Variants in ANK2 observed in about 807,000 individuals in gnomAD.
The protein encoded by ANK2 is ankyrin-2.
A neutral mutation model predicts 360.5 loss-of-function variants in ANK2; 83 were observed. The observed-to-expected ratio is 0.23, with a 90% CI of 0.19 to 0.28. The LOEUF (loss-of-function observed/expected upper bound fraction) is 0.28. Among genes scored for constraint, ANK2 ranks in the 10% least tolerant of loss-of-function variants. The probability of loss-of-function intolerance (pLI) is 1.00; values close to 1 mark genes in which losing one functional copy is unlikely to be tolerated. For missense variants in ANK2, 4,201 were observed against 4,795.7 expected (o/e 0.88, Z 3.66); for synonymous variants, 1,740 against 1,759.5 (o/e 0.99, Z 0.28).
At chr4:112,904,099 A>G (rs1436962462) in intron 1 of ANK2, among the ~76,000 whole-genome samples, 1 of 152,206 alleles carries the variant, frequency 6.6e-6, no homozygotes, top group East Asian at 1.9e-4. Flanking sequence ...ATTTCAGCCA[A>G]TGCTTTTTCA....
rs140528804 is a variant in ANK2, at chr4:113,186,149, G to A, written c.187-10219G>A. ...GAGCTGACAGACACCTCATACAGGA[G>A]AGCTCTGGCTGGCATCTGGCAGGTG... is the stretch of plus-strand genomic sequence containing the variant. On this transcript the variant is annotated intron_variant, in intron 2 of 45. Coordinates refer to ENST00000357077, the MANE Select transcript of ANK2 (RefSeq NM_001148.6). Among the ~76,000 whole-genome samples, 2,971 of 152,288 alleles carry A rather than the reference G, an allele frequency of 0.02. 126 individuals are homozygous for A. The East Asian group carries it at 0.2, about 10-fold the overall frequency.
chr4:112,994,998 G>A (rs113450061), intron 2 of ANK2, among the ~76,000 whole-genome samples: 6,345 of 152,188 alleles, frequency 0.042, 273 homozygotes, highest in East Asian at 0.25. Flanking sequence ...TCTTTATCCA[G>A]TCCACCACTG....
At chr4:113,028,453 A>C (rs2059719945) in intron 2 of ANK2, among the ~76,000 whole-genome samples, 2 of 152,182 alleles carry the variant, frequency 1.3e-5, no homozygotes, top group Non-Finnish European at 2.9e-5. Context: ...TGTGCTAGGC[A>C]CTACGCAAAG....
chr4:112,748,718 C>T, the ANK2 span, among the ~76,000 whole-genome samples: 1 of 152,096 alleles, frequency 6.6e-6, no homozygotes, highest in Non-Finnish European at 1.5e-5. Context: ...ATTTTATGGT[C>T]CCCTGAGGCA....
intron 2 of ANK2, among the ~76,000 whole-genome samples, chr4:112,957,428 A>C (rs900404782): frequency 1.3e-5 from 2 of 152,204 alleles, no homozygotes; most frequent in African/African-American, 2.4e-5. Context: ...CTACACATAC[A>C]CAGCAACCAT....
chr4:112,789,577 A>T, the ANK2 span, among the ~76,000 whole-genome samples: 1 of 152,172 alleles, frequency 6.6e-6, no homozygotes, highest in East Asian at 1.9e-4. Flanking sequence ...TATTATGGGG[A>T]GGAGAAGATA....
chr4:112,898,116 T>A (rs1299379007), intron 1 of ANK2, among the ~76,000 whole-genome samples: 5 of 152,158 alleles, frequency 3.3e-5, no homozygotes, highest in African/African-American at 2.4e-5. Flanking sequence ...AGTACAGAGT[T>A]CTGGGATTAT....
intron 1 of ANK2, among the ~76,000 whole-genome samples, chr4:113,129,378 A>G (rs1247607794): frequency 2.0e-5 from 3 of 152,218 alleles, no homozygotes; most frequent in Non-Finnish European, 4.4e-5. Flanking sequence ...CATAGAGGGA[A>G]AAAGTTGAGA....
chr4:112,924,049 C>A (rs533656227), intron 2 of ANK2, among the ~76,000 whole-genome samples: 2 of 152,150 alleles, frequency 1.3e-5, no homozygotes, highest in East Asian at 3.9e-4. Flanking sequence ...AAACTAAGGG[C>A]CTTTTAGATT....
chr4:113,051,673 T>TCC (rs931655312), intron 1 of ANK2, among the ~76,000 whole-genome samples: 19 of 152,082 alleles, frequency 1.2e-4, no homozygotes, highest in African/African-American at 3.9e-4. Flanking sequence ...CACATACACA[T>TCC]CCCTCAGCTT....
At chr4:113,169,570 T>C (rs1461385189) in intron 1 of ANK2, among the ~76,000 whole-genome samples, 2 of 152,180 alleles carry the variant, frequency 1.3e-5, no homozygotes, top group African/African-American at 2.4e-5. Flanking sequence ...AATATGTGTG[T>C]AGGGCGCACC....
rs112822744 is a variant in ANK2 at position 113,360,107 on chromosome 4, A to G, written c.10682-716A>G. ...ATTGAGGTTATACAAACTTTCCTAT[A>G]CCATGGTCTAAAATGCTGCCTATCA... On this transcript the variant is annotated intron_variant, in intron 38 of 45. Coordinates refer to ENST00000357077, the MANE Select transcript of ANK2 (RefSeq NM_001148.6). 9.5e-3 allele frequency among the ~76,000 whole-genome samples: 1,448 copies of G among 152,280 alleles called. 26 individuals carry two copies. Among genetic ancestry groups the G allele is most frequent in the African/African-American group, 0.033 (1,364 of 41,542 alleles).
chr4:112,709,447 G>A, the ANK2 span, among the ~76,000 whole-genome samples: 1 of 152,144 alleles, frequency 6.6e-6, no homozygotes, highest in Non-Finnish European at 1.5e-5. Context: ...CTGAGATTAT[G>A]ACATATAAGA....
chr4:113,369,406 G>A (rs2096650729), intron 42 of ANK2, 108 bp from the exon 43 acceptor site: 11 of 1,170,104 alleles, frequency 9.4e-6, no homozygotes, highest in South Asian at 8.6e-5. Flanking sequence ...TATTTTGACT[G>A]TCATAGACTA....
chr4:112,751,940 G>C, the ANK2 span, among the ~76,000 whole-genome samples: 1 of 152,242 alleles, frequency 6.6e-6, no homozygotes, highest in Admixed American at 6.5e-5. Flanking sequence ...TGATTTTACT[G>C]ATTTTACTAT....
chr4:112,718,297 C>T, the ANK2 span, among the ~76,000 whole-genome samples: 3 of 152,156 alleles, frequency 2.0e-5, no homozygotes, highest in Non-Finnish European at 4.4e-5. Context: ...AAGTGGATAG[C>T]CCTCATCCTA....
intron 1 of ANK2, among the ~76,000 whole-genome samples, chr4:113,156,827 C>G (rs2154400010): frequency 6.7e-6 from 1 of 150,102 alleles, no homozygotes; most frequent in East Asian, 2.0e-4. Context: ...TGTGTGCGTG[C>G]ACACTTTCAC....
intron 2 of ANK2, among the ~76,000 whole-genome samples, chr4:112,930,901 A>T (rs913880396): frequency 1.3e-5 from 2 of 152,120 alleles, no homozygotes; most frequent in African/African-American, 4.8e-5. Context: ...AGAAAAAAAA[A>T]AAAAAGACTT....
intron 36 of ANK2, among the ~76,000 whole-genome samples, chr4:113,348,633 T>A (rs1349997291): frequency 6.6e-6 from 1 of 152,146 alleles, no homozygotes; most frequent in Non-Finnish European, 1.5e-5. Context: ...ACTAAGACAT[T>A]ATTAATGTCT....
Sources: gnomAD v4.1 joint callset for allele counts (sites outside exome capture counted in the v4.1 genomes callset) on GRCh38, gnomAD v4.1.1 for gene constraint, MANE v1.5 for transcripts, NCBI Gene and HGNC (gene_info 2026-07-23, HGNC 2026-07-21) for gene names.